Variants in DAPK1 observed in about 807,000 individuals in gnomAD.
The protein encoded by DAPK1 is death-associated protein kinase 1.
A neutral mutation model predicts 144.9 loss-of-function variants in DAPK1; 56 were observed. The observed-to-expected ratio is 0.39, with a 90% confidence interval of 0.31 to 0.48. DAPK1 has a LOEUF of 0.48. DAPK1 is among the 20% of genes least tolerant of loss of function. DAPK1 has a pLI of 0.95. For missense variants in DAPK1, 1,454 were observed against 1,875.4 expected (o/e 0.78, Z 4.15); for synonymous variants, 690 against 749.0 (o/e 0.92, Z 1.29).
At chr9:87,643,524 A>C in intron 11 of DAPK1, 56 bp downstream of exon 11, 1 of 1,122,058 alleles carries the variant, frequency 8.9e-7, no homozygotes, top group Non-Finnish European at 1.3e-6. Context: ...ACTCAGAATG[A>C]CCAAGCTGTT....
intron 2 of DAPK1, among the ~76,000 whole-genome samples, chr9:87,527,084 A>G (rs1825539266): frequency 6.6e-6 from 1 of 152,208 alleles, no homozygotes; most frequent in Non-Finnish European, 1.5e-5. Context: ...AATTGTGATT[A>G]TTTAGCTGAT....
At chr9:87,630,449 G>T (rs1482206493) in intron 3 of DAPK1, among the ~76,000 whole-genome samples, 1 of 152,124 alleles carries the variant, frequency 6.6e-6, no homozygotes, top group African/African-American at 2.4e-5. Flanking sequence ...GTGACTCAGG[G>T]ATCTACATTC....
At chr9:87,670,567 G>A (rs1831217770) in intron 19 of DAPK1, among the ~76,000 whole-genome samples, 1 of 152,136 alleles carries the variant, frequency 6.6e-6, no homozygotes, top group Non-Finnish European at 1.5e-5. Flanking sequence ...TTTCCACACA[G>A]AGAGGCTGCA....
chr9:87,645,843 A>G (rs1830248259), intron 11 of DAPK1, 52 bp from the exon 12 acceptor site: 1 of 1,599,446 alleles, frequency 6.3e-7, no homozygotes, highest in Admixed American at 1.7e-5. Flanking sequence ...GTTGGTAAGA[A>G]AAGCATGGCT....
At chr9:87,607,964 A>G (rs996585101) in intron 3 of DAPK1, among the ~76,000 whole-genome samples, 7 of 152,144 alleles carry the variant, frequency 4.6e-5, no homozygotes, top group Non-Finnish European at 1.0e-4. Flanking sequence ...GAAACTTACA[A>G]TGATGGCAGA....
Position 87,646,526 on chromosome 9 carries a change from T to G in DAPK1, c.1197T>G (p.Ile399Met). 6.2e-7 allele frequency: 1 copy of G among 1,613,718 alleles called. No homozygotes were observed. Among genetic ancestry groups the G allele is most frequent in the South Asian group, 1.1e-5 (1 of 91,080 alleles). The change falls in exon 13 of 26, where the codon ATT (isoleucine) becomes ATG (methionine). Residue 399 changes from isoleucine (I) to methionine (M), a missense_variant. Physicochemically the swap from Ile to Met is conservative, Grantham distance 10 (BLOSUM62 1). This residue lies in a region of DAPK1 where 429 missense variants were observed against 637.5 expected (regional missense o/e 0.67). Transcript: ENST00000408954. ...CGNIQILQLL[I>M]KRGSRIDVQD... ...ATATTCAAATACTACAGTTGCTCAT[T>G]AAAAGAGGCTCGAGAATCGATGTCC...
chr9:87,565,796 T>C (rs1280298504), intron 2 of DAPK1, among the ~76,000 whole-genome samples: 1 of 152,216 alleles, frequency 6.6e-6, no homozygotes, highest in Non-Finnish European at 1.5e-5. Flanking sequence ...TACTCCTAGT[T>C]GTACACGAAC....
rs991839955 is a variant in DAPK1 at position 87,537,886 on chromosome 9, G to A, written c.62+38747G>A. On this transcript the variant is annotated intron_variant, in intron 2 of 25. Transcript: ENST00000408954. ...CATCAGATAGCAGGGCCCGAGGCAA[G>A]CGGGGGTTTGAGAGGAGTCACAATG... 9.2e-5 allele frequency among the ~76,000 whole-genome samples: 14 copies of A among 152,306 alleles called. No individual in the cohort carries two copies. In the East Asian group the frequency reaches 2.7e-3, roughly 29 times the overall value.
Position 87,707,672 on chromosome 9 carries a change from A to G in DAPK1, c.*308A>G. 2.1e-6 allele frequency: 1 copy of G among 480,984 alleles called. No individual in the cohort carries two copies. The highest frequency in any genetic ancestry group is 3.8e-6 in the Non-Finnish European group (1 of 263,008). The allele number at this position is 480,984 out of a possible 1,614,324, so 29.8% of individuals were successfully genotyped here. A position where few individuals can be genotyped will look rare whatever the true frequency, so the allele number is the denominator to read the frequency against. ...CTCATCCTCCAGTACCTTGCTTCTT[A>G]CTGATAATTTTGCTGGAATTCCTAA... On this transcript the variant is annotated 3_prime_UTR_variant, in exon 26 of 26. Coordinates refer to ENST00000408954, the MANE Select transcript of DAPK1 (RefSeq NM_004938.4). This position sits in a 1 kb window ranked among gnomAD's most constrained non-coding sequence, Gnocchi z 4.0.
intron 2 of DAPK1, among the ~76,000 whole-genome samples, chr9:87,599,653 ATATC>A (rs1395274023): frequency 1.3e-5 from 2 of 152,228 alleles, no homozygotes; most frequent in African/African-American, 2.4e-5. Context: ...TGTGATGTCT[ATATC>A]TAATGCAACA....
At chr9:87,519,566 G>A (rs551478563) in intron 2 of DAPK1, among the ~76,000 whole-genome samples, 17 of 152,072 alleles carry the variant, frequency 1.1e-4, no homozygotes, top group Non-Finnish European at 2.4e-4. Context: ...GGGCTGTCAC[G>A]TGACCAGTGG....
intron 2 of DAPK1, among the ~76,000 whole-genome samples, chr9:87,550,944 C>G (rs1826455485): frequency 6.6e-6 from 1 of 152,186 alleles, no homozygotes; most frequent in South Asian, 2.1e-4. Flanking sequence ...GATACATACC[C>G]TGACCCCGGG....
chr9:87,555,239 C>T (rs2118600720), intron 2 of DAPK1, among the ~76,000 whole-genome samples: 1 of 152,330 alleles, frequency 6.6e-6, no homozygotes, highest in South Asian at 2.1e-4. Context: ...CCCGTTAGGG[C>T]ATTTCCATAA....
At chr9:87,501,262 G>C (rs1021382125) in intron 2 of DAPK1, among the ~76,000 whole-genome samples, 9 of 152,346 alleles carry the variant, frequency 5.9e-5, no homozygotes, top group Admixed American at 2.0e-4. Flanking sequence ...GCTCACACCT[G>C]TAATCCCAGC....
At chr9:87,611,590 C>G (rs1377465280) in intron 3 of DAPK1, among the ~76,000 whole-genome samples, 1 of 152,166 alleles carries the variant, frequency 6.6e-6, no homozygotes, top group Non-Finnish European at 1.5e-5. Flanking sequence ...TCCTGAGTAG[C>G]TGGGATTACA....
Position 87,638,012 on chromosome 9 carries a change from A to G in DAPK1, c.354A>G (p.Glu118=), listed in dbSNP as rs765879491. The G allele has an allele frequency of 1.2e-6, 2 of 1,614,138 alleles. No individual in the cohort carries two copies. The highest frequency in any genetic ancestry group is 1.7e-6 in the Non-Finnish European group (2 of 1,179,992). ...KESLTEEEAT[E]FLKQILNGVY... is the part of the protein sequence containing the mutation. ...CTTTAACTGAAGAGGAAGCAACTGA[A>G]TTTCTCAAACAAATTCTTAATGGTG... is the stretch of plus-strand genomic sequence containing the variant. The change falls in exon 4 of 26, where the codon GAA becomes GAG. Residue 118 remains glutamate (E), a synonymous_variant. Transcript: ENST00000408954.
chr9:87,647,525 G>A, intron 14 of DAPK1, 122 bp downstream of exon 14: 2 of 786,760 alleles, frequency 2.5e-6, no homozygotes, highest in South Asian at 3.0e-5. Flanking sequence ...GAATTCACCT[G>A]CAGAACATTT....
chr9:87,584,276 C>T (rs866114809), intron 2 of DAPK1, among the ~76,000 whole-genome samples: 2 of 152,156 alleles, frequency 1.3e-5, no homozygotes, highest in South Asian at 2.1e-4. Flanking sequence ...AAATAGCTCT[C>T]TTGAACTCAT....
At chr9:87,639,260 C>CT (rs112724520) in intron 4 of DAPK1, 94 bp from the exon 5 acceptor site, 65,215 of 965,004 alleles carry the variant, frequency 0.068, 9 homozygotes, top group Middle Eastern at 0.084. Flanking sequence ...ACTTTTTGGC[C>CT]TTTTTTTTTT....
Sources: gnomAD v4.1 joint callset for allele counts (sites outside exome capture counted in the v4.1 genomes callset) on GRCh38, gnomAD v4.1.1 for gene constraint, gnomAD v4.1.1 regional missense constraint, Gnocchi (gnomAD v3.1) non-coding constraint, MANE v1.5 for transcripts, NCBI Gene and HGNC (gene_info 2026-07-23, HGNC 2026-07-21) for gene names.